The following EDA variants were observed in gnomAD, a reference collection of about 807,000 sequenced individuals.
EDA encodes the protein ectodysplasin A, also known as ectodysplasin-A.
EDA carries 2 observed loss-of-function variants against 23.6 expected under a neutral mutation model. The observed-to-expected ratio is 0.08, with a 90% CI of 0.03 to 0.27. EDA has a LOEUF of 0.27. EDA is among the 10% of genes least tolerant of loss of function. The pLI is 1.00. For synonymous variants in EDA, 131 were observed against 132.0 expected (o/e 0.99, Z 0.05); for missense variants, 229 against 324.2 (o/e 0.71, Z 2.26).
At chrX:69,757,440 G>T (rs1426980638) in intron 1 of EDA, among the ~76,000 whole-genome samples, 1 of 112,004 alleles carries the variant, frequency 8.9e-6, no homozygotes, top group Admixed American at 9.5e-5. Flanking sequence ...AATATTGATT[G>T]CATGATCCTG....
chrX:69,698,107 G>C (rs574748133), intron 1 of EDA, among the ~76,000 whole-genome samples: 3 of 111,930 alleles, frequency 2.7e-5, no homozygotes, highest in African/African-American at 9.7e-5. Flanking sequence ...CCAAGTGGCA[G>C]GACCGTGATA....
chrX:69,868,922 T>C (rs1328572781), intron 1 of EDA, among the ~76,000 whole-genome samples: 1 of 112,373 alleles, frequency 8.9e-6, no homozygotes, highest in Non-Finnish European at 1.9e-5. Flanking sequence ...ACTGTCATTC[T>C]GCAAGATCCA....
intron 1 of EDA, among the ~76,000 whole-genome samples, chrX:69,942,577 A>T (rs1214396805): frequency 9.0e-6 from 1 of 110,864 alleles, no homozygotes; most frequent in Non-Finnish European, 1.9e-5. Flanking sequence ...ATACAGCTCC[A>T]TTGTTATGTT....
chrX:69,671,905 A>G (rs1449037668), intron 1 of EDA, among the ~76,000 whole-genome samples: 2 of 112,135 alleles, frequency 1.8e-5, no homozygotes, highest in Non-Finnish European at 3.8e-5. Context: ...AAGAAACTCC[A>G]TGTGTCACCT....
intron 1 of EDA, among the ~76,000 whole-genome samples, chrX:69,931,930 C>G (rs2018604567): frequency 8.9e-6 from 1 of 112,066 alleles, no homozygotes; most frequent in Admixed American, 9.5e-5. Context: ...TAACTAAAAA[C>G]TGGAAACAAA....
intron 1 of EDA, among the ~76,000 whole-genome samples, chrX:69,878,270 C>T (rs1308122733): frequency 1.8e-5 from 2 of 112,454 alleles, no homozygotes; most frequent in Non-Finnish European, 3.8e-5. Context: ...GGGGTCACCC[C>T]CGCAGGGTTC....
chrX:69,750,019 CT>C (rs1250125165), intron 1 of EDA, among the ~76,000 whole-genome samples: 1 of 81,251 alleles, frequency 1.2e-5, no homozygotes, highest in East Asian at 4.3e-4. Flanking sequence ...TTTTCTTTTT[CT>C]TTTTTTTATG....
At chrX:69,702,024 A>G (rs1412036325) in intron 1 of EDA, among the ~76,000 whole-genome samples, 2 of 111,588 alleles carry the variant, frequency 1.8e-5, no homozygotes, top group Non-Finnish European at 3.8e-5. Context: ...GGTCATGCCA[A>G]GTTCATAAGA....
intron 1 of EDA, among the ~76,000 whole-genome samples, chrX:69,881,074 G>A (rs891736443): frequency 3.6e-5 from 4 of 111,837 alleles, no homozygotes; most frequent in African/African-American, 1.3e-4. Context: ...AAAGCCTGAC[G>A]CATCCTGACA....
chrX:69,725,773 A>G (rs758612725), intron 1 of EDA, among the ~76,000 whole-genome samples: 4 of 112,581 alleles, frequency 3.6e-5, no homozygotes, highest in Non-Finnish European at 7.5e-5. Context: ...AACTGGTATC[A>G]GACCAACCAT....
chrX:69,616,796 C>T, intron 1 of EDA, 92 bp downstream of exon 1: 1 of 1,127,316 alleles, frequency 8.9e-7, no homozygotes, highest in Middle Eastern at 2.7e-4. Flanking sequence ...ACTCAGCAAC[C>T]TCGAGCCAAT....
chrX:69,915,946 C>T (rs1388351891), intron 1 of EDA, among the ~76,000 whole-genome samples: 1 of 111,790 alleles, frequency 8.9e-6, no homozygotes, highest in Non-Finnish European at 1.9e-5. Context: ...CGGTGCTCCT[C>T]TCTTGGCCTC....
At chrX:70,033,316 G>T in intron 6 of EDA, 82 bp from the exon 7 acceptor site, 2 of 1,172,602 alleles carry the variant, frequency 1.7e-6, no homozygotes, top group East Asian at 3.0e-5. Context: ...AGGGGTGGGG[G>T]TTGTGAACTC....
chrX:69,846,650 G>A (rs1424065847), intron 1 of EDA, among the ~76,000 whole-genome samples: 1 of 111,410 alleles, frequency 9.0e-6, no homozygotes, highest in East Asian at 2.8e-4. Context: ...GTTGAAAAGG[G>A]ACTGCCTGTG....
chrX:69,849,483 T>A (rs1445994907), intron 1 of EDA, among the ~76,000 whole-genome samples: 1 of 112,061 alleles, frequency 8.9e-6, no homozygotes, highest in Non-Finnish European at 1.9e-5. Flanking sequence ...AAGTTTCGTA[T>A]ACTAACCTCT....
intron 1 of EDA, among the ~76,000 whole-genome samples, chrX:69,641,130 T>C (rs1195218905): frequency 9.3e-6 from 1 of 107,768 alleles, no homozygotes; most frequent in East Asian, 2.9e-4. Flanking sequence ...TCGTTTGTTG[T>C]TTTTTTTTTC....
At chrX:69,961,226 C>T (rs1279584215) in intron 2 of EDA, among the ~76,000 whole-genome samples, 1 of 111,312 alleles carries the variant, frequency 9.0e-6, no homozygotes, top group Non-Finnish European at 1.9e-5. Context: ...CCGCCCACCT[C>T]AGCCTCCCAA....
chrX:69,839,336 A>G (rs1310226630), intron 1 of EDA, among the ~76,000 whole-genome samples: 2 of 111,612 alleles, frequency 1.8e-5, no homozygotes, highest in East Asian at 5.7e-4. Context: ...TCCAAAATCT[A>G]TAACTTGGGC....
chrX:69,626,500 G>T (rs1932391652), intron 1 of EDA, among the ~76,000 whole-genome samples: 1 of 111,899 alleles, frequency 8.9e-6, no homozygotes, highest in South Asian at 3.7e-4. Flanking sequence ...GCTACAACAT[G>T]GCTGAGCCTC....
Sources: gnomAD v4.1 joint callset for allele counts (sites outside exome capture counted in the v4.1 genomes callset) on GRCh38, gnomAD v4.1.1 for gene constraint, MANE v1.5 for transcripts, NCBI Gene and HGNC (gene_info 2026-07-23, HGNC 2026-07-21) for gene names.